The following COL4A5 variants were observed in gnomAD, a reference collection of about 807,000 sequenced individuals.
COL4A5 encodes collagen alpha-5(IV) chain.
COL4A5 carries 26 observed loss-of-function variants against 130.2 expected under a neutral mutation model. That is an observed-to-expected ratio of 0.20 (90% confidence interval 0.15 to 0.28). The LOEUF is 0.28. Ranked by LOEUF, COL4A5 falls within the 10% of genes least tolerant of loss-of-function variation. The pLI is 1.00. For missense variants in COL4A5, 1,131 were observed against 1,344.3 expected (o/e 0.84, Z 2.48); for synonymous variants, 496 against 439.6 (o/e 1.13, Z -1.60).
chrX:108,486,400 C>T (rs1225107127), intron 1 of COL4A5, among the ~76,000 whole-genome samples: 2 of 111,606 alleles, frequency 1.8e-5, no homozygotes, highest in South Asian at 3.8e-4. Flanking sequence ...GCTCCACCCC[C>T]AATTGATTAA....
rs745579937 is a variant in COL4A5, at chrX:108,622,794, A to G, written c.2886A>G (p.Ser962=). The G allele has an allele frequency of 2.5e-6, 3 of 1,209,387 alleles. No individual in the cohort carries two copies. The highest frequency in any genetic ancestry group is 1.8e-5 in the South Asian group (1 of 56,702). Residue 962 remains serine (S), a synonymous_variant, in exon 33 of 53, where the codon TCA becomes TCG. Transcript: ENST00000328300. ...PGPMDPNLLG[S]KGEKGEPGLP... is the part of the protein sequence containing the mutation. ...CAATGGATCCAAATCTTCTGGGCTC[A>G]AAAGGAGAGAAGGGGGAACCTGGCT...
chrX:108,440,682 G>A (rs1188703131), intron 1 of COL4A5, among the ~76,000 whole-genome samples: 1 of 111,337 alleles, frequency 9.0e-6, no homozygotes, highest in African/African-American at 3.3e-5. Flanking sequence ...AGTGAAGTTC[G>A]TCCCCTTTGC....
intron 2 of COL4A5, among the ~76,000 whole-genome samples, chrX:108,543,576 G>A (rs2147670783): frequency 9.0e-6 from 1 of 111,539 alleles, no homozygotes; most frequent in Admixed American, 9.5e-5. Flanking sequence ...GCTTAGGACT[G>A]ACTTGGCGAT....
At chrX:108,557,430 G>A (rs181802027) in intron 2 of COL4A5, among the ~76,000 whole-genome samples, 1 of 111,946 alleles carries the variant, frequency 8.9e-6, no homozygotes, top group Admixed American at 9.5e-5. Flanking sequence ...AATAAGAAGT[G>A]TAGTAATATG....
chrX:108,581,774 T>C (rs748803304), intron 16 of COL4A5, among the ~76,000 whole-genome samples: 6 of 110,862 alleles, frequency 5.4e-5, no homozygotes, highest in Admixed American at 1.9e-4. Context: ...CATTTACACA[T>C]TGAAGGATAT....
chrX:108,577,969 A>G lies in COL4A5; in HGVS notation c.627A>G (p.Pro209=). Residue 209 remains proline (P), a synonymous_variant, in exon 11 of 53, where the codon CCA becomes CCG. Transcript: ENST00000328300. ...CTTCTTAGGGCCCTCCTGGTCCACC[A>G]GGACTTCCAGGACCTAAGGTAATTT... ...PPGLMGPPGP[P]GLPGPKGNMG... The G allele has an allele frequency of 8.3e-7, 1 of 1,203,503 alleles. No individual in the cohort carries two copies. Among genetic ancestry groups the G allele is most frequent in the Non-Finnish European group, 1.1e-6 (1 of 889,141 alleles).
At chrX:108,556,287 T>A (rs1443840832) in intron 2 of COL4A5, among the ~76,000 whole-genome samples, 3 of 111,982 alleles carry the variant, frequency 2.7e-5, no homozygotes, top group Non-Finnish European at 3.8e-5. Flanking sequence ...GAGTAATTAT[T>A]TGGTATATAG....
chrX:108,452,818 T>C (rs2064537092), intron 1 of COL4A5, among the ~76,000 whole-genome samples: 1 of 111,440 alleles, frequency 9.0e-6, no homozygotes, highest in Admixed American at 9.5e-5. Flanking sequence ...ACCCTTTATT[T>C]CCTTCTCCTG....
chrX:108,669,594 C>G (rs942324909), intron 41 of COL4A5, among the ~76,000 whole-genome samples: 2 of 112,113 alleles, frequency 1.8e-5, no homozygotes, highest in African/African-American at 6.5e-5. Flanking sequence ...TGTTAACTCT[C>G]TTGCATGTAA....
chrX:108,442,054 G>A (rs2064407054), intron 1 of COL4A5, among the ~76,000 whole-genome samples: 1 of 111,235 alleles, frequency 9.0e-6, no homozygotes, highest in Non-Finnish European at 1.9e-5. Context: ...CCTATCATTA[G>A]GATATTGTGC....
chrX:108,688,447 T>G (rs1006181105), intron 49 of COL4A5, among the ~76,000 whole-genome samples: 5 of 110,016 alleles, frequency 4.5e-5, no homozygotes, highest in African/African-American at 1.7e-4. Flanking sequence ...GTGTTGTTTT[T>G]TTTTTTGATA....
intron 1 of COL4A5, among the ~76,000 whole-genome samples, chrX:108,444,829 C>CTCA (rs1422508479): frequency 8.9e-6 from 1 of 112,017 alleles, no homozygotes; most frequent in Non-Finnish European, 1.9e-5. Context: ...TATACATGAT[C>CTCA]TCATTCTCTT....
intron 36 of COL4A5, among the ~76,000 whole-genome samples, chrX:108,638,479 T>C (rs1443579732): frequency 8.9e-6 from 1 of 111,914 alleles, no homozygotes; most frequent in Non-Finnish European, 1.9e-5. Context: ...ATGGTAAAAG[T>C]CTGAATGCTT....
chrX:108,620,476 A>T (rs1490484040), intron 31 of COL4A5, 50 bp downstream of exon 31: 2 of 1,001,161 alleles, frequency 2.0e-6, no homozygotes, highest in Non-Finnish European at 2.8e-6. Flanking sequence ...ATTAAAACTA[A>T]TACGACTCTG....
chrX:108,695,549 G>T, intron 52 of COL4A5, 110 bp downstream of exon 52: 1 of 825,377 alleles, frequency 1.2e-6, no homozygotes, highest in Middle Eastern at 3.4e-4. Flanking sequence ...GGAATTTATT[G>T]GATTGTGTAC....
intron 9 of COL4A5, among the ~76,000 whole-genome samples, chrX:108,575,368 T>G (rs1310290842): frequency 1.8e-5 from 2 of 112,166 alleles, no homozygotes; most frequent in East Asian, 5.6e-4. Flanking sequence ...TTTGTAAATT[T>G]TCCTTATTAT....
chrX:108,464,087 G>C (rs2064679748), intron 1 of COL4A5, among the ~76,000 whole-genome samples: 2 of 111,388 alleles, frequency 1.8e-5, no homozygotes, highest in South Asian at 7.6e-4. Context: ...TTAATGCCTG[G>C]CGTAGAGTAA....
intron 2 of COL4A5, among the ~76,000 whole-genome samples, chrX:108,546,896 C>T (rs28833485): frequency 0.093 from 10,345 of 111,427 alleles, 1,081 homozygotes; most frequent in African/African-American, 0.31. Flanking sequence ...TCCAGTTGAT[C>T]GAATTGGCTA....
chrX:108,645,572 CT>C (rs1319115469), intron 36 of COL4A5, among the ~76,000 whole-genome samples: 5 of 107,402 alleles, frequency 4.7e-5, no homozygotes, highest in African/African-American at 1.7e-4. Flanking sequence ...ATCTTGGTTA[CT>C]TTTTTTTAAA....
Sources: gnomAD v4.1 joint callset for allele counts (sites outside exome capture counted in the v4.1 genomes callset) on GRCh38, gnomAD v4.1.1 for gene constraint, MANE v1.5 for transcripts, NCBI Gene and HGNC (gene_info 2026-07-23, HGNC 2026-07-21) for gene names.